Variants in ADHFE1 observed in about 807,000 individuals in gnomAD.
ADHFE1 encodes the protein alcohol dehydrogenase iron containing 1.
In ADHFE1, 37 loss-of-function variants were observed where a neutral mutation model predicts 54.8. The observed-to-expected ratio is 0.68, with a 90% CI of 0.52 to 0.89. The LOEUF (loss-of-function observed/expected upper bound fraction) is 0.89, where lower values mean the gene tolerates loss of function less well. ADHFE1 is among the 40% of genes least tolerant of loss of function. The probability of loss-of-function intolerance (pLI) is 0.00; values close to 1 mark genes in which losing one functional copy is unlikely to be tolerated. For synonymous variants in ADHFE1, 203 were observed against 229.3 expected, an observed-to-expected ratio of 0.89 and a Z score of 1.04; for missense variants, 601 against 591.2, an observed-to-expected ratio of 1.02 and a Z score of -0.17.
At position 66,454,412 on chromosome 8, in the gene ADHFE1, CT is replaced by C. The variant is rs563241217; in HGVS notation, c.986+262del. Among the ~76,000 whole-genome samples, 4 of 151,628 alleles carry C rather than the reference CT, an allele frequency of 2.6e-5. No homozygotes were observed. The South Asian group carries it at 6.2e-4, about 24-fold the overall frequency. Reference sequence around the variant, plus strand: ...TTGTGTTCCTAAATGTATTCTTTTTCTTTTTTTCTTTTTTCCACCATCAGCT... The same window carrying C: ...TTGTGTTCCTAAATGTATTCTTTTTCTTTTTTCTTTTTTCCACCATCAGCT... On this transcript the variant is annotated intron_variant, in intron 10 of 13. Coordinates refer to ENST00000396623, the MANE Select transcript of ADHFE1 (RefSeq NM_144650.3).
chr8:66,449,979 C>T (rs1806217512), intron 8 of ADHFE1, among the ~76,000 whole-genome samples: 1 of 152,172 alleles, frequency 6.6e-6, no homozygotes, highest in South Asian at 2.1e-4. Flanking sequence ...ACAAATTAGT[C>T]AAGCATGGTG....
In ADHFE1 at chr8:66,442,795, T is replaced by C; in HGVS notation, c.98-3T>C. 6.3e-7 allele frequency: 1 copy of C among 1,599,672 alleles called. No homozygotes were observed. The highest frequency in any genetic ancestry group is 8.5e-7 in the Non-Finnish European group (1 of 1,176,346). ...ACTTTGATGCTAACTTTTACATTTCTAGCCCCTGGACTTTCACCTTCTGGG... is the reference window on the plus strand; with the variant it reads ...ACTTTGATGCTAACTTTTACATTTCCAGCCCCTGGACTTTCACCTTCTGGG... On this transcript the variant is annotated splice_polypyrimidine_tract_variant and splice_region_variant and intron_variant, in intron 2 of 13. Coordinates refer to ENST00000396623, the MANE Select transcript of ADHFE1 (RefSeq NM_144650.3).
In ADHFE1 at chr8:66,454,960, A is replaced by G. The variant is rs185044350; in HGVS notation, c.986+803A>G. ...CTCAAACTCCTGACCTTAGTTATCC[A>G]CCCGCCTCCACCCCTCAAAGTGCTG... On this transcript the variant is annotated intron_variant, in intron 10 of 13. Coordinates refer to ENST00000396623, the MANE Select transcript of ADHFE1 (RefSeq NM_144650.3). Among the ~76,000 whole-genome samples the G allele has an allele frequency of 7.2e-4, 109 of 150,812 alleles. 1 individual carries two copies. In the East Asian group the frequency reaches 0.018, roughly 25 times the overall value.
chr8:66,465,182 T>C (rs2718999), intron 13 of ADHFE1, among the ~76,000 whole-genome samples: 51,160 of 152,110 alleles, frequency 0.34, 9,027 homozygotes, highest in African/African-American at 0.43. Context: ...TGAATATTGG[T>C]GTACAAGTAT....
intron 3 of ADHFE1, among the ~76,000 whole-genome samples, 195 bp from the exon 4 acceptor site, chr8:66,444,172 G>C (rs993843981): frequency 6.6e-6 from 1 of 152,198 alleles, no homozygotes; most frequent in Non-Finnish European, 1.5e-5. Flanking sequence ...CAAATGACAG[G>C]AGCTGAAGTT....
chr8:66,440,032 G>T, intron 1 of ADHFE1, 130 bp from the exon 2 acceptor site: 1 of 917,670 alleles, frequency 1.1e-6, no homozygotes. Context: ...ATTGTACAGT[G>T]TCTGCCAAGA....
At chr8:66,440,980 C>T (rs1324641362) in intron 2 of ADHFE1, among the ~76,000 whole-genome samples, 1 of 152,074 alleles carries the variant, frequency 6.6e-6, no homozygotes, top group Non-Finnish European at 1.5e-5. Flanking sequence ...AGTGACTCAC[C>T]CTTCAGGACA....
chr8:66,466,081 CT>C (rs1807165204), intron 13 of ADHFE1, among the ~76,000 whole-genome samples: 1 of 106,752 alleles, frequency 9.4e-6, no homozygotes, highest in South Asian at 2.9e-4. Flanking sequence ...TCTTTTTTTT[CT>C]TTTAGAGACA....
At chr8:66,442,464 C>A (rs557207209) in intron 2 of ADHFE1, among the ~76,000 whole-genome samples, 16 of 152,084 alleles carry the variant, frequency 1.1e-4, no homozygotes, top group African/African-American at 3.6e-4. Flanking sequence ...GCGCTCGCCA[C>A]CACACCTGGC....
intron 13 of ADHFE1, among the ~76,000 whole-genome samples, chr8:66,468,067 G>A (rs1807294304): frequency 6.6e-6 from 1 of 152,154 alleles, no homozygotes; most frequent in Admixed American, 6.5e-5. Context: ...GCTTTCGAAA[G>A]CTCTGTGGGG....
chr8:66,440,638 T>G (rs915752295), intron 2 of ADHFE1, among the ~76,000 whole-genome samples: 3 of 152,204 alleles, frequency 2.0e-5, no homozygotes, highest in African/African-American at 7.2e-5. Context: ...AAAATAATAT[T>G]GTATTTAAAA....
chr8:66,435,025 A>G (rs1039796529), intron 1 of ADHFE1, among the ~76,000 whole-genome samples: 3 of 151,384 alleles, frequency 2.0e-5, no homozygotes, highest in African/African-American at 4.9e-5. Flanking sequence ...TGACTGTGTT[A>G]TCTCTGGGGT....
Position 66,445,424 on chromosome 8 carries a change from G to C in ADHFE1, c.550+10G>C. The C allele has an allele frequency of 6.3e-7, 1 of 1,586,224 alleles. No homozygotes were observed. Among genetic ancestry groups the C allele is most frequent in the Non-Finnish European group, 8.6e-7 (1 of 1,169,360 alleles). On this transcript the variant is annotated intron_variant, in intron 6 of 13. Transcript: ENST00000396623. ...AAGCCTCTGATTGCAGGTAAAGACT[G>C]TTTATTTCTTTGTTTGTTTTATTTT...
rs62511184 is a variant in ADHFE1 at position 66,439,731 on chromosome 8, A to G, written c.60-431A>G. ...ACATCTTGAAGACACTGGGAAATAT[A>G]TAAGGCAAGTTCCCAGCATAGGGTA... is the stretch of plus-strand genomic sequence containing the variant. On this transcript the variant is annotated intron_variant, in intron 1 of 13. Transcript: ENST00000396623. The surrounding 1 kb of genome is among the most constrained non-coding windows in gnomAD (Gnocchi z 4.4). The G allele has an allele frequency of 0.011, 10,682 of 996,796 alleles. 59 individuals are homozygous for G. The highest frequency in any genetic ancestry group is 0.025 in the South Asian group (546 of 22,104). The allele number at this position is 996,796 out of a possible 1,614,324, so 61.7% of individuals were successfully genotyped here. A position where few individuals can be genotyped will look rare whatever the true frequency, so the allele number is the denominator to read the frequency against.
In ADHFE1 at chr8:66,439,336, C is replaced by T; in HGVS notation, c.60-826C>T. ...CTGGGCAACCCAACGAAACATAAAA[C>T]CGTCTTCCCAGCCTCGATCAGAGAG... On this transcript the variant is annotated intron_variant, in intron 1 of 13. Coordinates refer to ENST00000396623, the MANE Select transcript of ADHFE1 (RefSeq NM_144650.3). This position sits in a 1 kb window ranked among gnomAD's most constrained non-coding sequence, Gnocchi z 4.4. The T allele has an allele frequency of 8.1e-6, 8 of 985,668 alleles. No individual in the cohort carries two copies. Among genetic ancestry groups the T allele is most frequent in the Non-Finnish European group, 9.6e-6 (8 of 830,132 alleles). 61.1% of individuals were successfully genotyped at this position (985,668 alleles called of 1,614,324 possible). A position where few individuals can be genotyped will look rare whatever the true frequency, so the allele number is the denominator to read the frequency against.
In ADHFE1 at chr8:66,452,973, A is replaced by G. The variant is rs189831577; in HGVS notation, c.887+868A>G. Among the ~76,000 whole-genome samples, 79 of 152,378 alleles carry G rather than the reference A, an allele frequency of 5.2e-4. 1 individual carries two copies. The East Asian group carries it at 0.011, about 20-fold the overall frequency. ...ACGGTGCTTCCTCTGGCCTTGAGCT[A>G]GAAGCTCCACTGACAAAGGAGCCTT... On this transcript the variant is annotated intron_variant, in intron 9 of 13. Coordinates refer to ENST00000396623, the MANE Select transcript of ADHFE1 (RefSeq NM_144650.3).
intron 7 of ADHFE1, 97 bp from the exon 8 acceptor site, chr8:66,448,768 A>G: frequency 9.1e-7 from 1 of 1,103,774 alleles, no homozygotes. Flanking sequence ...CTTTTCTCAT[A>G]TTTTTATTTT....
chr8:66,457,768 G>GTC (rs10524086), intron 12 of ADHFE1, among the ~76,000 whole-genome samples: 85,828 of 151,988 alleles, frequency 0.56, 25,301 homozygotes, highest in African/African-American at 0.72. Flanking sequence ...AGAGTATTGA[G>GTC]AGTATTTGTA....
intron 1 of ADHFE1, chr8:66,432,840 C>T (rs1805273883): frequency 8.2e-7 from 1 of 1,220,896 alleles, no homozygotes; most frequent in Non-Finnish European, 1.0e-6. Flanking sequence ...GACCTGGTCC[C>T]ACATCGTAGC....
Sources: gnomAD v4.1 joint callset for allele counts (sites outside exome capture counted in the v4.1 genomes callset) on GRCh38, gnomAD v4.1.1 for gene constraint, Gnocchi (gnomAD v3.1) non-coding constraint, MANE v1.5 for transcripts, NCBI Gene and HGNC (gene_info 2026-07-23, HGNC 2026-07-21) for gene names.